Variants in RREB1 observed in about 807,000 individuals in gnomAD.
RREB1 encodes the protein ras-responsive element-binding protein 1.
RREB1 carries 27 observed loss-of-function variants against 117.8 expected under a neutral mutation model. That is an observed-to-expected ratio of 0.23 (90% CI 0.17 to 0.32). RREB1 has a LOEUF of 0.32. Ranked by LOEUF, RREB1 falls within the 10% of genes least tolerant of loss-of-function variation. RREB1 has a pLI of 1.00. For synonymous variants in RREB1, 1,298 were observed against 1,026.7 expected (o/e 1.26, Z -5.05); for missense variants, 2,577 against 2,378.2 (o/e 1.08, Z -1.74).
At chr6:7,242,470 G>C (rs895600988) in intron 11 of RREB1, among the ~76,000 whole-genome samples, 20 of 152,204 alleles carry the variant, frequency 1.3e-4, no homozygotes, top group African/African-American at 4.8e-4. Flanking sequence ...TGTGAAACCA[G>C]CAAAGAGAAA....
intron 1 of RREB1, among the ~76,000 whole-genome samples, chr6:7,120,970 C>T (rs1348209551): frequency 6.6e-6 from 1 of 151,714 alleles, no homozygotes. Context: ...ATTACAGGTG[C>T]CTGCCACTAC....
chr6:7,128,925 G>C (rs915277794), intron 1 of RREB1, among the ~76,000 whole-genome samples: 1 of 152,074 alleles, frequency 6.6e-6, no homozygotes, highest in African/African-American at 2.4e-5. Flanking sequence ...GCTGAGATTG[G>C]GCCACTGCAC....
At position 7,211,558 on chromosome 6, in the gene RREB1, T is replaced by C. The variant is rs1287605803; in HGVS notation, c.571-15T>C. 6.2e-7 allele frequency: 1 copy of C among 1,613,764 alleles called. No homozygotes were observed. Among genetic ancestry groups the C allele is most frequent in the Admixed American group, 1.7e-5 (1 of 60,004 alleles). ...GGGAGACCTTCATGACTTCACTTTT[T>C]TCCTTTTCCCTCAGATGGTAGAAGA... On this transcript the variant is annotated splice_polypyrimidine_tract_variant and intron_variant, in intron 7 of 12. Coordinates refer to ENST00000379938, the MANE Select transcript of RREB1 (RefSeq NM_001003699.4).
intron 1 of RREB1, among the ~76,000 whole-genome samples, chr6:7,136,419 G>T (rs1762351511): frequency 6.6e-6 from 1 of 152,118 alleles, no homozygotes; most frequent in Admixed American, 6.6e-5. Context: ...TAGTAAACAG[G>T]ATTTTGTAAG....
chr6:7,123,335 G>A (rs540773759), intron 1 of RREB1, among the ~76,000 whole-genome samples: 7 of 151,586 alleles, frequency 4.6e-5, no homozygotes, highest in Admixed American at 2.0e-4. Context: ...CTAATTTTTT[G>A]TATTTTAATG....
At chr6:7,167,291 T>C (rs1467287132) in intron 1 of RREB1, among the ~76,000 whole-genome samples, 1 of 152,146 alleles carries the variant, frequency 6.6e-6, no homozygotes, top group African/African-American at 2.4e-5. Flanking sequence ...GGGGATTGCA[T>C]TTGGGAAAAG....
At chr6:7,116,823 C>T (rs971197692) in intron 1 of RREB1, among the ~76,000 whole-genome samples, 6 of 152,200 alleles carry the variant, frequency 3.9e-5, no homozygotes, top group Non-Finnish European at 8.8e-5. Flanking sequence ...CCTGGTTGCA[C>T]TAAAAGCTGT....
At chr6:7,145,600 C>T (rs772826317) in intron 1 of RREB1, among the ~76,000 whole-genome samples, 8 of 151,972 alleles carry the variant, frequency 5.3e-5, no homozygotes, top group African/African-American at 9.7e-5. Context: ...GAAAACTGGA[C>T]CTAGCTCAGC....
At chr6:7,171,343 G>C (rs183649135) in intron 1 of RREB1, among the ~76,000 whole-genome samples, 1 of 152,324 alleles carries the variant, frequency 6.6e-6, no homozygotes, top group Non-Finnish European at 1.5e-5. Context: ...CCTTGACGGG[G>C]ACGGAAATGG....
chr6:7,248,169 C>A (rs1769212216), intron 12 of RREB1, among the ~76,000 whole-genome samples: 1 of 152,244 alleles, frequency 6.6e-6, no homozygotes, highest in Non-Finnish European at 1.5e-5. Context: ...TGAGAGGGTC[C>A]ACTCCTGTCC....
rs76218163 is a variant in RREB1 at position 7,220,547 on chromosome 6, A to C, written c.708-5920A>C. On this transcript the variant is annotated intron_variant, in intron 8 of 12. Transcript: ENST00000379938. ...TCTACAAAGAGATACACTTCCCCCA[A>C]ATACATTTACTTTACTGACAGCAAA... 4.7e-3 allele frequency among the ~76,000 whole-genome samples: 714 copies of C among 152,308 alleles called. 6 individuals carry two copies. Among genetic ancestry groups the C allele is most frequent in the African/African-American group, 0.016 (675 of 41,566 alleles).
At chr6:7,176,352 T>TC (rs539862679) in intron 1 of RREB1, among the ~76,000 whole-genome samples, 737 of 151,974 alleles carry the variant, frequency 4.8e-3, no homozygotes, top group African/African-American at 5.6e-3. Context: ...TGCACGAAGC[T>TC]CCCCCCCGGA....
rs754683050 is a variant in RREB1 at position 7,230,002 on chromosome 6, A to G, written c.1903A>G (p.Thr635Ala). 2.2e-5 allele frequency: 35 copies of G among 1,606,846 alleles called. No homozygotes were observed. Among genetic ancestry groups the G allele is most frequent in the Non-Finnish European group, 2.9e-5 (34 of 1,175,294 alleles). The change falls in exon 10 of 13, where the codon ACG becomes GCG. Residue 635 changes from threonine (T) to alanine (A), a missense_variant. Thr to Ala is a moderately conservative substitution (Grantham distance 58, BLOSUM62 0). Coordinates refer to ENST00000379938, the MANE Select transcript of RREB1 (RefSeq NM_001003699.4). ...CATGACAGCGCCCGGCGGCAAGAAG[A>G]CGCCCGCCATGCGCAAGGTGCTCTA... is the stretch of plus-strand genomic sequence containing the variant. ...AFMTAPGGKKTPAMRKVLYPC... is the reference protein window; with the variant it reads ...AFMTAPGGKKAPAMRKVLYPC...
intron 4 of RREB1, among the ~76,000 whole-genome samples, chr6:7,184,174 C>T (rs1439450764): frequency 2.6e-5 from 4 of 151,878 alleles, no homozygotes; most frequent in African/African-American, 9.7e-5. Context: ...TATTATGAGA[C>T]CTCCATGTCC....
intron 12 of RREB1, among the ~76,000 whole-genome samples, chr6:7,247,606 G>C (rs542897036): frequency 6.6e-6 from 1 of 152,298 alleles, no homozygotes; most frequent in South Asian, 2.1e-4. Context: ...CTGTGGCCTG[G>C]ACGACAGGCA....
chr6:7,205,365 C>A (rs749415543), intron 6 of RREB1, among the ~76,000 whole-genome samples: 2 of 152,184 alleles, frequency 1.3e-5, no homozygotes, highest in Non-Finnish European at 2.9e-5. Context: ...CCCATTTTAC[C>A]AGTGTGGAAA....
rs751967387 is a variant in RREB1 at position 7,230,776 on chromosome 6, G to T, written c.2677G>T (p.Ala893Ser). ...CAAGTTGGAGCCCGCCAGTAGCTTT[G>T]CGGTGGACTTCAATGAGCCCCTGGA... The part of the protein sequence containing the change: ...SIKLEPASSF[A>S]VDFNEPLDFS... The change falls in exon 10 of 13, where the codon GCG (alanine) becomes TCG (serine). Residue 893 changes from alanine (A) to serine (S), a missense_variant. By Grantham distance (99) the Ala-to-Ser change is moderately conservative. Coordinates refer to ENST00000379938, the MANE Select transcript of RREB1 (RefSeq NM_001003699.4). 87 of 1,613,172 alleles carry T rather than the reference G, an allele frequency of 5.4e-5. No individual in the cohort carries two copies. Among genetic ancestry groups the T allele is most frequent in the Non-Finnish European group, 6.8e-6 (8 of 1,179,468 alleles).
chr6:7,145,202 C>T (rs1289909339), intron 1 of RREB1, among the ~76,000 whole-genome samples: 4 of 152,178 alleles, frequency 2.6e-5, no homozygotes, highest in East Asian at 3.8e-4. Context: ...GTTTTCTCAG[C>T]TCTGATCTGT....
chr6:7,210,491 CT>C (rs1426261990), intron 6 of RREB1, among the ~76,000 whole-genome samples: 3 of 152,132 alleles, frequency 2.0e-5, no homozygotes, highest in Admixed American at 6.5e-5. Flanking sequence ...TAAAATGGTA[CT>C]TTTTGTCTGC....
Sources: gnomAD v4.1 joint callset for allele counts (sites outside exome capture counted in the v4.1 genomes callset) on GRCh38, gnomAD v4.1.1 for gene constraint, MANE v1.5 for transcripts, NCBI Gene and HGNC (gene_info 2026-07-23, HGNC 2026-07-21) for gene names.